CLHC1: variants seen among roughly 807,000 people sequenced by gnomAD.
CLHC1 encodes clathrin heavy chain linker domain containing 1, also known as clathrin heavy chain linker domain-containing protein 1.
A neutral mutation model predicts 69.5 loss-of-function variants in CLHC1; 72 were observed. That is an observed-to-expected ratio of 1.04 (90% CI 0.86 to 1.26). The LOEUF is 1.26. CLHC1 is among the 50% of genes most tolerant of loss of function. The pLI is 0.00. For missense variants in CLHC1, 790 were observed against 679.3 expected, an observed-to-expected ratio of 1.16 and a Z score of -1.81; for synonymous variants, 223 against 224.3, an observed-to-expected ratio of 0.99 and a Z score of 0.05.
At chr2:55,215,752 G>C (rs1209354979) in intron 4 of CLHC1, among the ~76,000 whole-genome samples, 1 of 152,042 alleles carries the variant, frequency 6.6e-6, no homozygotes, top group African/African-American at 2.4e-5. Flanking sequence ...ATGGTCACTA[G>C]CTTTTAAAAA....
intron 4 of CLHC1, chr2:55,216,157 G>C (rs1289951751): frequency 2.0e-5 from 3 of 148,176 alleles, no homozygotes; most frequent in African/African-American, 7.5e-5. Flanking sequence ...ATGGTGGCAA[G>C]AGCCTGTTAA....
At chr2:55,200,045 G>A (rs773997941) in intron 9 of CLHC1, among the ~76,000 whole-genome samples, 1 of 151,944 alleles carries the variant, frequency 6.6e-6, no homozygotes, top group East Asian at 1.9e-4. Context: ...GCAACATGGT[G>A]AGACCTTGTC....
At position 55,222,858 on chromosome 2, in the gene CLHC1, T is replaced by G. The variant is rs555447205; in HGVS notation, c.-82-365A>C. Among the ~76,000 whole-genome samples, 33 of 140,538 alleles carry G rather than the reference T, an allele frequency of 2.3e-4. No homozygotes were observed. The South Asian group carries it at 7.2e-3, about 31-fold the overall frequency. 92.2% of individuals were successfully genotyped at this position (140,538 alleles called of 152,430 possible). A position where few individuals can be genotyped will look rare whatever the true frequency, so the allele number is the denominator to read the frequency against. On this transcript the variant is annotated intron_variant, in intron 2 of 12. Coordinates refer to ENST00000401408, the MANE Select transcript of CLHC1 (RefSeq NM_152385.4). ...ATCGCTTGAACCCCGGAGGCGGAGT[T>G]GCGGTGAGCCGAGATCGCGCCATTG...
rs1056086153 is a variant in CLHC1, at chr2:55,173,103, C to A, written c.*2687G>T. ...ATCAGAGAAACTTAGTTCATCATGACCCTTGCTTTGCAACTGCTATGTAAA... is the reference window on the plus strand; with the variant it reads ...ATCAGAGAAACTTAGTTCATCATGAACCTTGCTTTGCAACTGCTATGTAAA... On this transcript the variant is annotated 3_prime_UTR_variant, in exon 13 of 13. Transcript: ENST00000401408. Among the ~76,000 whole-genome samples, 7 of 152,172 alleles carry A rather than the reference C, an allele frequency of 4.6e-5. No individual in the cohort carries two copies. The highest frequency in any genetic ancestry group is 1.7e-4 in the African/African-American group (7 of 41,440).
At chr2:55,187,219 C>T (rs1255590310) in intron 9 of CLHC1, among the ~76,000 whole-genome samples, 5 of 151,778 alleles carry the variant, frequency 3.3e-5, no homozygotes, top group Non-Finnish European at 5.9e-5. Flanking sequence ...GCAGAGGTTG[C>T]AGTGGGCCGG....
chr2:55,182,183 G>A (rs1670000348), intron 9 of CLHC1, among the ~76,000 whole-genome samples: 1 of 152,140 alleles, frequency 6.6e-6, no homozygotes, highest in South Asian at 2.1e-4. Context: ...AACAAAAGGT[G>A]CAGCTGCAGA....
In CLHC1 at chr2:55,194,299, C is replaced by G. The variant is rs2103807655; in HGVS notation, c.1006+11971G>C. On this transcript the variant is annotated intron_variant, in intron 9 of 12. Transcript: ENST00000401408. ...ATTATACTAATAGAAAAGAACAAAA[C>G]TAACATAATCCTCTCAATAAATGTA... Among the ~76,000 whole-genome samples the G allele has an allele frequency of 2.0e-5, 3 of 152,054 alleles. No individual in the cohort carries two copies. The South Asian group carries it at 6.2e-4, about 32-fold the overall frequency.
chr2:55,191,129 C>T (rs1385441495), intron 9 of CLHC1, among the ~76,000 whole-genome samples: 1 of 152,136 alleles, frequency 6.6e-6, no homozygotes, highest in African/African-American at 2.4e-5. Flanking sequence ...AAATACCTTT[C>T]AAAAGCGAAG....
At chr2:55,185,703 T>C (rs916038127) in intron 9 of CLHC1, among the ~76,000 whole-genome samples, 1 of 152,208 alleles carries the variant, frequency 6.6e-6, no homozygotes, top group Non-Finnish European at 1.5e-5. Flanking sequence ...TTTATCTCTC[T>C]TCCCAATTAG....
chr2:55,205,894 C>A (rs1263253939), intron 9 of CLHC1, among the ~76,000 whole-genome samples: 25 of 143,078 alleles, frequency 1.7e-4, no homozygotes, highest in Non-Finnish European at 2.0e-4. Context: ...AACTCTGTCT[C>A]AAAAAAAAAA....
At position 55,222,496 on chromosome 2, in the gene CLHC1, GA is replaced by G; in HGVS notation, c.-82-4del. 1.0e-6 allele frequency: 1 copy of G among 976,832 alleles called. No homozygotes were observed. The highest frequency in any genetic ancestry group is 1.5e-6 in the Non-Finnish European group (1 of 664,272). 60.5% of individuals were successfully genotyped at this position (976,832 alleles called of 1,614,324 possible). ...ACAAAGCCAAAACTTTGATAAGCCT[GA>G]AAGAAAAAAAGAGCATCAATTAATA... On this transcript the variant is annotated splice_polypyrimidine_tract_variant and splice_region_variant and intron_variant, in intron 2 of 12. Transcript: ENST00000401408.
chr2:55,174,687 T>C lies in CLHC1; in HGVS notation c.*1103A>G, dbSNP rs761368602. On this transcript the variant is annotated 3_prime_UTR_variant, in exon 13 of 13. Coordinates refer to ENST00000401408, the MANE Select transcript of CLHC1 (RefSeq NM_152385.4). The stretch of plus-strand genomic sequence containing the variant: ...TCTTCTTTCCACTATAACATAAAAA[T>C]ACATATTCAATTTAAATTTAGGATG... 3 of 152,218 alleles carry C rather than the reference T, an allele frequency of 2.0e-5. No homozygotes were observed. The highest frequency in any genetic ancestry group is 6.5e-5 in the Admixed American group (1 of 15,278). 9.4% of individuals were successfully genotyped at this position (152,218 alleles called of 1,614,324 possible).
intron 5 of CLHC1, among the ~76,000 whole-genome samples, chr2:55,210,043 C>T (rs1261405873): frequency 2.0e-5 from 3 of 152,088 alleles, no homozygotes; most frequent in Non-Finnish European, 4.4e-5. Context: ...TTATTTAATA[C>T]AGACAGGGTC....
chr2:55,210,233 G>A (rs2103948546), intron 5 of CLHC1, among the ~76,000 whole-genome samples: 1 of 151,846 alleles, frequency 6.6e-6, no homozygotes, highest in Non-Finnish European at 1.5e-5. Context: ...GTCGCACTCT[G>A]TCGCCCAGGC....
At chr2:55,203,632 CT>C (rs1238739134) in intron 9 of CLHC1, among the ~76,000 whole-genome samples, 4 of 152,120 alleles carry the variant, frequency 2.6e-5, no homozygotes, top group African/African-American at 9.7e-5. Flanking sequence ...AACTAGGCCC[CT>C]ATCTCTTGTC....
chr2:55,188,623 A>G (rs1670636281), intron 9 of CLHC1, among the ~76,000 whole-genome samples: 2 of 152,202 alleles, frequency 1.3e-5, no homozygotes, highest in South Asian at 2.1e-4. Context: ...AAGTTTACAT[A>G]CATGCACCAG....
intron 12 of CLHC1, among the ~76,000 whole-genome samples, 166 bp from the exon 13 acceptor site, chr2:55,176,152 T>TCAC (rs397729931): frequency 1.3e-5 from 2 of 152,160 alleles, no homozygotes; most frequent in Non-Finnish European, 2.9e-5. Context: ...GTCAAGCTCA[T>TCAC]GGTAAGTACT....
In CLHC1 at chr2:55,175,509, G is replaced by C; in HGVS notation, c.*281C>G. 1 of 361,156 alleles carries C rather than the reference G, an allele frequency of 2.8e-6. No homozygotes were observed. The highest frequency in any genetic ancestry group is 4.9e-5 in the South Asian group (1 of 20,444). 22.4% of individuals were successfully genotyped at this position (361,156 alleles called of 1,614,324 possible). ...CAGAAAGTAATATATCTGGACATTA[G>C]CTTATGTCCTTAGATAAAAATGCCC... On this transcript the variant is annotated 3_prime_UTR_variant, in exon 13 of 13. Transcript: ENST00000401408.
At chr2:55,183,028 A>G (rs963496085) in intron 9 of CLHC1, among the ~76,000 whole-genome samples, 3 of 152,236 alleles carry the variant, frequency 2.0e-5, no homozygotes, top group African/African-American at 4.8e-5. Context: ...GAAACATCAA[A>G]GCCTAATGAC....
Sources: gnomAD v4.1 joint callset for allele counts (sites outside exome capture counted in the v4.1 genomes callset) on GRCh38, gnomAD v4.1.1 for gene constraint, MANE v1.5 for transcripts, NCBI Gene and HGNC (gene_info 2026-07-23, HGNC 2026-07-21) for gene names.